Variants in CEP128 observed in about 807,000 individuals in gnomAD.
The protein encoded by CEP128 is centrosomal protein 128.
Under a neutral mutation model 156.7 loss-of-function variants are expected in CEP128, and 132 were observed. The observed-to-expected ratio is 0.84, with a 90% CI of 0.73 to 0.97. The LOEUF (loss-of-function observed/expected upper bound fraction) is 0.97. Ranked by LOEUF, CEP128 falls within the 50% of genes least tolerant of loss-of-function variation. The pLI, the probability that CEP128 is intolerant of heterozygous loss-of-function variation, is 0.00. For missense variants in CEP128, 1,252 were observed against 1,281.9 expected (o/e 0.98, Z 0.36); for synonymous variants, 469 against 448.9 (o/e 1.04, Z -0.57).
At chr14:80,617,079 T>A (rs1893243681) in intron 19 of CEP128, among the ~76,000 whole-genome samples, 1 of 144,768 alleles carries the variant, frequency 6.9e-6, no homozygotes, top group Non-Finnish European at 1.5e-5. Flanking sequence ...AATTGTATTA[T>A]AACCACAGAG....
chr14:80,955,690 G>T (rs1460409181), intron 2 of CEP128: 1 of 1,613,920 alleles, frequency 6.2e-7, no homozygotes, highest in South Asian at 1.1e-5. Flanking sequence ...AATGAGGCCG[G>T]CGGACTTGCT....
At chr14:80,731,522 G>T (rs932852961) in intron 19 of CEP128, among the ~76,000 whole-genome samples, 1 of 152,186 alleles carries the variant, frequency 6.6e-6, no homozygotes, top group Non-Finnish European at 1.5e-5. Flanking sequence ...AATGTCACTT[G>T]TATAGGACTG....
Position 80,906,180 on chromosome 14 carries a change from G to A in CEP128, c.235-99C>T, listed in dbSNP as rs1033017400. On this transcript the variant is annotated intron_variant, in intron 4 of 24. Transcript: ENST00000555265. ...TTCAAAGCTATTTCTGAAATATCTG[G>A]GTTCCCCCCAAAAAAAGGTATCAGA... The A allele has an allele frequency of 1.4e-5, 13 of 908,954 alleles. 1 individual carries two copies. The highest frequency in any genetic ancestry group is 5.8e-5 in the South Asian group (2 of 34,478). The allele number at this position is 908,954 out of a possible 1,614,324, so 56.3% of individuals were successfully genotyped here. A position where few individuals can be genotyped will look rare whatever the true frequency, so the allele number is the denominator to read the frequency against.
rs150925882 is a variant in CEP128 at position 80,509,741 on chromosome 14, T to C, written c.3073-4721A>G. 8.5e-3 allele frequency among the ~76,000 whole-genome samples: 1,293 copies of C among 152,320 alleles called. 3 individuals carry two copies. Among genetic ancestry groups the C allele is most frequent in the Non-Finnish European group, 0.014 (939 of 68,006 alleles). On this transcript the variant is annotated intron_variant, in intron 23 of 24. Transcript: ENST00000555265. ...ATCCTGGAGAGTTTCTTTTTTCTTA[T>C]AGTAGTTTCATAATTTGAGGTCATC...
At chr14:80,602,347 C>G (rs528228827) in intron 19 of CEP128, among the ~76,000 whole-genome samples, 1 of 152,296 alleles carries the variant, frequency 6.6e-6, no homozygotes, top group African/African-American at 2.4e-5. Flanking sequence ...GCCTGAACAA[C>G]AGTCTAAACC....
At chr14:80,736,991 T>C (rs1898564007) in intron 19 of CEP128, among the ~76,000 whole-genome samples, 1 of 152,226 alleles carries the variant, frequency 6.6e-6, no homozygotes, top group Non-Finnish European at 1.5e-5. Flanking sequence ...ACAAAATTAC[T>C]GTAATGAAAC....
intron 19 of CEP128, among the ~76,000 whole-genome samples, chr14:80,622,584 T>C (rs1361088542): frequency 6.7e-6 from 1 of 149,768 alleles, no homozygotes. Flanking sequence ...ATATCCAGAA[T>C]CTACAATGAA....
intron 19 of CEP128, among the ~76,000 whole-genome samples, chr14:80,656,216 G>GA (rs1420523820): frequency 7.6e-6 from 1 of 131,850 alleles, no homozygotes; most frequent in Non-Finnish European, 1.6e-5. Flanking sequence ...TTACATAGAA[G>GA]AAAAAAAGGT....
At chr14:80,818,325 A>C (rs947853077) in intron 13 of CEP128, among the ~76,000 whole-genome samples, 1 of 152,226 alleles carries the variant, frequency 6.6e-6, no homozygotes, top group South Asian at 2.1e-4. Context: ...AGTCTACTAA[A>C]TTCTTATATC....
chr14:80,502,241 G>A (rs764710100), intron 24 of CEP128, among the ~76,000 whole-genome samples: 1 of 152,102 alleles, frequency 6.6e-6, no homozygotes, highest in Non-Finnish European at 1.5e-5. Flanking sequence ...CCTCAATTTT[G>A]GGGCTTGCTT....
intron 7 of CEP128, 39 bp downstream of exon 7, chr14:80,899,899 T>TA (rs763184289): frequency 8.8e-6 from 12 of 1,358,044 alleles, no homozygotes; most frequent in Non-Finnish European, 1.1e-5. Flanking sequence ...ATTCTCCTCA[T>TA]AATTTATCCC....
At chr14:80,784,462 A>G (rs1324256709) in intron 15 of CEP128, among the ~76,000 whole-genome samples, 1 of 152,186 alleles carries the variant, frequency 6.6e-6, no homozygotes, top group East Asian at 1.9e-4. Context: ...AAGAAGGAGT[A>G]AATCTCGAAA....
At chr14:80,822,690 A>C in intron 13 of CEP128, 1 of 818,784 alleles carries the variant, frequency 1.2e-6, no homozygotes, top group African/African-American at 1.7e-5. Flanking sequence ...CCCAAAGGGA[A>C]AAAGGGAAAA....
chr14:80,488,643 C>A (rs915702875), downstream of CEP128, among the ~76,000 whole-genome samples: 21 of 151,980 alleles, frequency 1.4e-4, no homozygotes, highest in Admixed American at 3.3e-4. Context: ...GGTATATACC[C>A]AAAGGATTAT....
At chr14:80,950,724 T>G (rs934694531) in intron 2 of CEP128, among the ~76,000 whole-genome samples, 6 of 152,072 alleles carry the variant, frequency 3.9e-5, no homozygotes, top group Non-Finnish European at 8.8e-5. Context: ...GGGAAAATCA[T>G]AGATGCAGAA....
At chr14:80,740,615 A>G (rs1898783063) in intron 19 of CEP128, among the ~76,000 whole-genome samples, 1 of 152,204 alleles carries the variant, frequency 6.6e-6, no homozygotes, top group Non-Finnish European at 1.5e-5. Flanking sequence ...ACAGGTGTTA[A>G]CCAAAAATAA....
At chr14:80,735,349 G>A (rs976678031) in intron 19 of CEP128, among the ~76,000 whole-genome samples, 8 of 152,054 alleles carry the variant, frequency 5.3e-5, no homozygotes, top group Non-Finnish European at 7.4e-5. Context: ...TATCAAATAC[G>A]TATACCTAGG....
chr14:80,935,601 AAAATAAAG>A (rs1885744505), intron 2 of CEP128, among the ~76,000 whole-genome samples: 1 of 134,450 alleles, frequency 7.4e-6, no homozygotes, highest in Admixed American at 7.8e-5. Context: ...TAAATAAATA[AAAATAAAG>A]TACTTATTGT....
chr14:80,739,211 CTT>C (rs373814454), intron 19 of CEP128, among the ~76,000 whole-genome samples: 1 of 151,852 alleles, frequency 6.6e-6, no homozygotes. Context: ...TATGTTCATC[CTT>C]TTTTTTGAGC....
Sources: allele counts gnomAD v4.1 joint callset (sites outside exome capture counted in the v4.1 genomes callset), GRCh38; gene constraint gnomAD v4.1.1; transcripts MANE v1.5; gene names NCBI Gene and HGNC (gene_info 2026-07-23, HGNC 2026-07-21).